DLG2: variants seen among roughly 807,000 people sequenced by gnomAD.
DLG2 encodes disks large homolog 2.
In DLG2, 45 loss-of-function variants were observed where a neutral mutation model predicts 132.5. That is an observed-to-expected ratio of 0.34 (90% CI 0.27 to 0.44). DLG2 has a LOEUF of 0.44. DLG2 is among the 20% of genes least tolerant of loss of function. The pLI, the probability that DLG2 is intolerant of heterozygous loss-of-function variation, is 1.00. For synonymous variants in DLG2, 424 were observed against 419.6 expected (o/e 1.01, Z -0.13); for missense variants, 1,045 against 1,196.9 (o/e 0.87, Z 1.87).
At chr11:84,878,294 A>T (rs2086722643) in intron 6 of DLG2, among the ~76,000 whole-genome samples, 1 of 152,146 alleles carries the variant, frequency 6.6e-6, no homozygotes, top group Non-Finnish European at 1.5e-5. Flanking sequence ...TCACAATAGC[A>T]AGGATAAAAA....
chr11:84,536,145 A>G (rs1159577390), intron 6 of DLG2, among the ~76,000 whole-genome samples: 1 of 152,136 alleles, frequency 6.6e-6, no homozygotes, highest in Non-Finnish European at 1.5e-5. Flanking sequence ...ATCTCTCTCA[A>G]CAAAAATAAC....
chr11:84,228,808 G>A (rs1000232336), intron 8 of DLG2, among the ~76,000 whole-genome samples: 1 of 152,196 alleles, frequency 6.6e-6, no homozygotes, highest in Non-Finnish European at 1.5e-5. Flanking sequence ...GCAGGCCAGT[G>A]TAGTACATTG....
chr11:85,073,322 G>C (rs1364914249), intron 6 of DLG2, among the ~76,000 whole-genome samples: 2 of 151,802 alleles, frequency 1.3e-5, no homozygotes, highest in African/African-American at 2.4e-5. Context: ...CAGCTTCACT[G>C]GAAATGGCAC....
intron 6 of DLG2, among the ~76,000 whole-genome samples, chr11:84,757,973 T>C (rs941736292): frequency 1.3e-5 from 2 of 152,162 alleles, no homozygotes; most frequent in Admixed American, 1.3e-4. Flanking sequence ...ACTAAAATCA[T>C]AGAGCCTCAG....
At chr11:83,468,799 C>CATCT (rs1323302638) in intron 25 of DLG2, among the ~76,000 whole-genome samples, 4 of 152,146 alleles carry the variant, frequency 2.6e-5, no homozygotes, top group Non-Finnish European at 5.9e-5. Context: ...CAGCCCTTCT[C>CATCT]ATCTATCTTC....
At chr11:84,658,383 G>A (rs574570304) in intron 6 of DLG2, among the ~76,000 whole-genome samples, 13 of 152,220 alleles carry the variant, frequency 8.5e-5, no homozygotes, top group East Asian at 5.8e-4. Flanking sequence ...GTGTGATGGC[G>A]TTAGAAGGTG....
At chr11:85,595,746 T>C (rs1162983295) in intron 3 of DLG2, among the ~76,000 whole-genome samples, 1 of 152,210 alleles carries the variant, frequency 6.6e-6, no homozygotes, top group Non-Finnish European at 1.5e-5. Flanking sequence ...ATAAAAGCAA[T>C]GTATTTAACC....
At chr11:84,729,619 C>G (rs921522770) in intron 6 of DLG2, among the ~76,000 whole-genome samples, 4 of 151,938 alleles carry the variant, frequency 2.6e-5, no homozygotes, top group African/African-American at 9.7e-5. Context: ...CTCACCTATC[C>G]CCAAGTATAG....
chr11:85,538,360 G>A (rs2075743384), intron 3 of DLG2, among the ~76,000 whole-genome samples: 1 of 151,822 alleles, frequency 6.6e-6, no homozygotes, highest in Non-Finnish European at 1.5e-5. Context: ...GCAAGGCTGT[G>A]GAGAAATAGG....
chr11:84,933,192 T>C lies in DLG2; in HGVS notation c.357+178469A>G, dbSNP rs1381941158. On this transcript the variant is annotated intron_variant, in intron 6 of 27. Transcript: ENST00000376104. ...GTTGAAGATCAGTAGGTGTTCAGTC[T>C]TATTTCTAGGTTCTATTCTGTTCTA... 3.9e-5 allele frequency among the ~76,000 whole-genome samples: 6 copies of C among 152,134 alleles called. No homozygotes were observed. In the East Asian group the frequency reaches 1.2e-3, roughly 29 times the overall value.
At chr11:84,082,347 G>A (rs918370973) in intron 10 of DLG2, among the ~76,000 whole-genome samples, 1 of 152,098 alleles carries the variant, frequency 6.6e-6, no homozygotes, top group African/African-American at 2.4e-5. Flanking sequence ...TTAGTGATAA[G>A]GTTGTGAATG....
chr11:85,537,866 C>T (rs984220368), intron 3 of DLG2, among the ~76,000 whole-genome samples: 2 of 151,968 alleles, frequency 1.3e-5, no homozygotes, highest in African/African-American at 4.9e-5. Context: ...CCTGTAATCC[C>T]AGCACTCTGG....
At chr11:84,752,102 T>C (rs1408006685) in intron 6 of DLG2, among the ~76,000 whole-genome samples, 3 of 152,206 alleles carry the variant, frequency 2.0e-5, no homozygotes, top group Non-Finnish European at 1.5e-5. Flanking sequence ...GGCCATCTTA[T>C]GTCGTGGAGA....
chr11:83,608,627 A>G (rs1255786202), intron 19 of DLG2, among the ~76,000 whole-genome samples: 1 of 152,092 alleles, frequency 6.6e-6, no homozygotes, highest in Non-Finnish European at 1.5e-5. Flanking sequence ...TTTTTGCACT[A>G]TTGAAAAGTT....
intron 24 of DLG2, 135 bp downstream of exon 24, chr11:83,471,491 G>A: frequency 4.8e-6 from 3 of 625,772 alleles, no homozygotes; most frequent in Non-Finnish European, 8.5e-6. Flanking sequence ...ATTAAATAAG[G>A]CACTCAGCTA....
intron 20 of DLG2, among the ~76,000 whole-genome samples, chr11:83,539,198 A>G (rs2095987533): frequency 6.6e-6 from 1 of 152,184 alleles, no homozygotes; most frequent in Non-Finnish European, 1.5e-5. Flanking sequence ...CATCTTCAGA[A>G]AAAAGGAGGG....
At chr11:85,397,880 G>T (rs538427544) in intron 3 of DLG2, among the ~76,000 whole-genome samples, 1 of 151,916 alleles carries the variant, frequency 6.6e-6, no homozygotes, top group Admixed American at 6.6e-5. Flanking sequence ...GAAAGAGGAG[G>T]TTAACAAGGA....
At chr11:83,869,536 A>G (rs1209045494) in intron 16 of DLG2, among the ~76,000 whole-genome samples, 1 of 152,196 alleles carries the variant, frequency 6.6e-6, no homozygotes, top group Non-Finnish European at 1.5e-5. Context: ...GGCTGTCCCT[A>G]TGGAGTTAGG....
chr11:83,889,091 C>T (rs924049912), intron 15 of DLG2, among the ~76,000 whole-genome samples: 1 of 152,014 alleles, frequency 6.6e-6, no homozygotes, highest in African/African-American at 2.4e-5. Context: ...GCAACAACAG[C>T]CAAAATTGAC....
Sources: allele counts gnomAD v4.1 joint callset (sites outside exome capture counted in the v4.1 genomes callset), GRCh38; gene constraint gnomAD v4.1.1; transcripts MANE v1.5; gene names NCBI Gene and HGNC (gene_info 2026-07-23, HGNC 2026-07-21).